The following NCKAP5 variants were observed in gnomAD, a reference collection of about 807,000 sequenced individuals.
NCKAP5 encodes NCK associated protein 5.
In NCKAP5, 92 loss-of-function variants were observed where a neutral mutation model predicts 167.0. The observed-to-expected ratio is 0.55, with a 90% confidence interval of 0.47 to 0.66. NCKAP5 has a LOEUF of 0.66. Among genes scored for constraint, NCKAP5 ranks in the 30% least tolerant of loss-of-function variants. The pLI, the probability that NCKAP5 is intolerant of heterozygous loss-of-function variation, is 0.00. For missense variants in NCKAP5, 2,378 were observed against 2,315.0 expected, an observed-to-expected ratio of 1.03 and a Z score of -0.56; for synonymous variants, 891 against 877.4, an observed-to-expected ratio of 1.02 and a Z score of -0.27.
intron 19 of NCKAP5, chr2:132,714,965 G>A (rs1689227710): frequency 4.6e-6 from 2 of 438,478 alleles, no homozygotes; most frequent in Admixed American, 5.4e-5. Flanking sequence ...AGCCCACTGT[G>A]TAATTCGCTG....
intron 3 of NCKAP5, among the ~76,000 whole-genome samples, chr2:133,387,641 C>G (rs190144298): frequency 5.3e-5 from 8 of 152,324 alleles, no homozygotes; most frequent in Admixed American, 5.2e-4. Flanking sequence ...AGAGTGTTTT[C>G]CAGCTTGGTT....
chr2:133,057,327 T>A (rs934223279), intron 6 of NCKAP5, among the ~76,000 whole-genome samples: 1 of 152,144 alleles, frequency 6.6e-6, no homozygotes, highest in African/African-American at 2.4e-5. Flanking sequence ...AAGCTAGAAA[T>A]AATTAATCTT....
intron 5 of NCKAP5, among the ~76,000 whole-genome samples, chr2:133,133,748 C>G (rs2082690334): frequency 3.9e-5 from 6 of 152,170 alleles, no homozygotes; most frequent in South Asian, 2.1e-4. Flanking sequence ...AATGTGTCCA[C>G]CTTCATTACT....
intron 8 of NCKAP5, chr2:132,931,139 G>A (rs1339946214): frequency 4.6e-5 from 7 of 152,212 alleles, no homozygotes; most frequent in African/African-American, 1.7e-4. Context: ...GCCTGTGACA[G>A]TGCAGCCAGG....
chr2:133,268,169 T>C (rs755480975), intron 4 of NCKAP5, among the ~76,000 whole-genome samples: 17 of 152,212 alleles, frequency 1.1e-4, no homozygotes, highest in Non-Finnish European at 1.3e-4. Context: ...AAATTCTAAA[T>C]TAGGGCTCAA....
At chr2:133,118,339 T>C (rs956160351) in intron 6 of NCKAP5, 1 of 152,088 alleles carries the variant, frequency 6.6e-6, no homozygotes, top group Non-Finnish European at 1.5e-5. Context: ...GTATTCTTTA[T>C]ACAGTATTAT....
intron 3 of NCKAP5, among the ~76,000 whole-genome samples, chr2:133,355,453 C>T (rs1305010097): frequency 1.3e-5 from 2 of 152,170 alleles, no homozygotes; most frequent in African/African-American, 2.4e-5. Flanking sequence ...CAACAAGAGA[C>T]AGTTCTTTCC....
At chr2:133,521,143 G>A (rs1261169695) in intron 2 of NCKAP5, among the ~76,000 whole-genome samples, 1 of 152,160 alleles carries the variant, frequency 6.6e-6, no homozygotes, top group East Asian at 1.9e-4. Flanking sequence ...TCGCACTATT[G>A]GGAAAAGACT....
Position 132,672,953 on chromosome 2 carries a change from T to TGGG in NCKAP5, c.*335_*336insCCC. On this transcript the variant is annotated 3_prime_UTR_variant, in exon 20 of 20. Transcript: ENST00000409261. ...GTTTATTGTTATCTCTATCAAGCGG[T>TGGG]GCACCCCCCACCCCCCACCCATCAT... is the stretch of plus-strand genomic sequence containing the variant. 1 of 672,080 alleles carries TGGG rather than the reference T, an allele frequency of 1.5e-6. No homozygotes were observed. Among genetic ancestry groups the TGGG allele is most frequent in the Non-Finnish European group, 1.8e-6 (1 of 547,586 alleles). The allele number at this position is 672,080 out of a possible 1,614,324, so 41.6% of individuals were successfully genotyped here. A position where few individuals can be genotyped will look rare whatever the true frequency, so the allele number is the denominator to read the frequency against.
In NCKAP5 at chr2:133,255,469, C is replaced by T. The variant is rs147107730; in HGVS notation, c.144-41690G>A. Among the ~76,000 whole-genome samples the T allele has an allele frequency of 3.7e-3, 559 of 152,290 alleles. 13 individuals carry two copies. In the South Asian group the frequency reaches 0.056, roughly 15 times the overall value. On this transcript the variant is annotated intron_variant, in intron 4 of 19. Coordinates refer to ENST00000409261, the MANE Select transcript of NCKAP5 (RefSeq NM_207363.3). ...CATTTTCCCACCCCATTGATCCACTCACTTATGTTAGTTTCCTTGGGGGGA... is the reference window on the plus strand; with the variant it reads ...CATTTTCCCACCCCATTGATCCACTTACTTATGTTAGTTTCCTTGGGGGGA...
chr2:133,018,211 G>A (rs562885256), intron 6 of NCKAP5, among the ~76,000 whole-genome samples: 4 of 152,252 alleles, frequency 2.6e-5, no homozygotes, highest in East Asian at 3.9e-4. Flanking sequence ...CAACCTGGGC[G>A]GTGCAGGGGT....
At chr2:132,937,806 G>A (rs1306824710) in intron 8 of NCKAP5, among the ~76,000 whole-genome samples, 1 of 152,212 alleles carries the variant, frequency 6.6e-6, no homozygotes, top group Non-Finnish European at 1.5e-5. Flanking sequence ...ATTTGTGGCT[G>A]GCATCCACTA....
In NCKAP5 at chr2:133,444,899, G is replaced by A. The variant is rs931076527; in HGVS notation, c.69+72559C>T. ...CATTGTGATTCTCCTGTGGACTGTC[G>A]CCTCCATGTGAAGAATTATTTTAAC... On this transcript the variant is annotated intron_variant, in intron 3 of 19. Coordinates refer to ENST00000409261, the MANE Select transcript of NCKAP5 (RefSeq NM_207363.3). 2.6e-5 allele frequency among the ~76,000 whole-genome samples: 4 copies of A among 152,154 alleles called. No homozygotes were observed. The South Asian group carries it at 8.3e-4, about 32-fold the overall frequency.
intron 2 of NCKAP5, among the ~76,000 whole-genome samples, chr2:133,548,257 G>A (rs1304192155): frequency 6.6e-6 from 1 of 152,054 alleles, no homozygotes; most frequent in African/African-American, 2.4e-5. Flanking sequence ...TCTGATTGGT[G>A]TACCTGAAAG....
chr2:132,774,047 T>C (rs1255027032), intron 15 of NCKAP5, among the ~76,000 whole-genome samples, 153 bp from the exon 16 acceptor site: 2 of 152,244 alleles, frequency 1.3e-5, no homozygotes, highest in Admixed American at 6.5e-5. Flanking sequence ...TATGTATACA[T>C]ATAAAATACA....
rs141628261 is a variant in NCKAP5 at position 133,568,063 on chromosome 2, A to G, written c.-130+153T>C. ...TAATTCCAGTCCACTTTAGGGCCCT[A>G]TAGTTACTTAGAACAAACGCATACT... On this transcript the variant is annotated intron_variant, in intron 1 of 19. Transcript: ENST00000409261. 3.7e-4 allele frequency among the ~76,000 whole-genome samples: 56 copies of G among 152,280 alleles called. No homozygotes were observed. In the East Asian group the frequency reaches 9.8e-3, roughly 27 times the overall value.
chr2:132,893,710 T>C (rs1692909087), intron 8 of NCKAP5, among the ~76,000 whole-genome samples: 1 of 152,050 alleles, frequency 6.6e-6, no homozygotes, highest in South Asian at 2.1e-4. Context: ...TTACCACTAG[T>C]GGGGAGAAAG....
the NCKAP5 span, among the ~76,000 whole-genome samples, chr2:133,606,026 T>C: frequency 3.3e-5 from 5 of 152,012 alleles, no homozygotes; most frequent in African/African-American, 9.7e-5. Flanking sequence ...CAGGTTAATG[T>C]GGAAAAAAAA....
chr2:133,003,908 C>T (rs767384559), intron 6 of NCKAP5, among the ~76,000 whole-genome samples: 2 of 152,176 alleles, frequency 1.3e-5, no homozygotes, highest in Non-Finnish European at 2.9e-5. Flanking sequence ...TGCACTGATC[C>T]TGCTTGGGGA....
Sources: allele counts gnomAD v4.1 joint callset (sites outside exome capture counted in the v4.1 genomes callset), GRCh38; gene constraint gnomAD v4.1.1; transcripts MANE v1.5; gene names NCBI Gene and HGNC (gene_info 2026-07-23, HGNC 2026-07-21).